The following FOXN3 variants were observed in gnomAD, a reference collection of about 807,000 sequenced individuals.
The protein encoded by FOXN3 is forkhead box N3.
FOXN3 carries 7 observed loss-of-function variants against 38.4 expected under a neutral mutation model. The observed-to-expected ratio is 0.18, with a 90% CI of 0.10 to 0.34. FOXN3 has a LOEUF of 0.34. FOXN3 is among the 10% of genes least tolerant of loss of function. The pLI is 1.00. For synonymous variants in FOXN3, 230 were observed against 242.2 expected (o/e 0.95, Z 0.47); for missense variants, 456 against 613.4 (o/e 0.74, Z 2.71).
At chr14:89,451,581 C>A (rs1053705380) in intron 1 of FOXN3, among the ~76,000 whole-genome samples, 1 of 152,128 alleles carries the variant, frequency 6.6e-6, no homozygotes, top group Non-Finnish European at 1.5e-5. Flanking sequence ...AGCTTGAGAA[C>A]TGGTCAGGAT....
At chr14:89,217,518 G>A (rs555442903) in intron 4 of FOXN3, among the ~76,000 whole-genome samples, 2 of 152,120 alleles carry the variant, frequency 1.3e-5, no homozygotes, top group East Asian at 3.9e-4. Context: ...CAGAGTCCTG[G>A]AGCCAAACAC....
chr14:89,193,124 A>G (rs1377162483), intron 4 of FOXN3, among the ~76,000 whole-genome samples: 3 of 152,042 alleles, frequency 2.0e-5, no homozygotes, highest in Non-Finnish European at 2.9e-5. Context: ...GGTCTCTGCC[A>G]TTATTGAGAA....
intron 4 of FOXN3, among the ~76,000 whole-genome samples, chr14:89,245,206 G>T (rs987015882): frequency 6.6e-6 from 1 of 152,190 alleles, no homozygotes; most frequent in African/African-American, 2.4e-5. Context: ...CGAGTATGAT[G>T]AACAGACTTG....
Position 89,443,300 on chromosome 14 carries a change from G to C in FOXN3, c.-14-30810C>G, listed in dbSNP as rs370389377. Reference sequence around the variant, plus strand: ...TTGGTATAGCCATATTTTATGGCTGGCACAAAAAGTGTTCCTTTTTAGCCA... The same window carrying C: ...TTGGTATAGCCATATTTTATGGCTGCCACAAAAAGTGTTCCTTTTTAGCCA... On this transcript the variant is annotated intron_variant, in intron 1 of 6. Coordinates refer to the FOXN3 transcript ENST00000345097. Among the ~76,000 whole-genome samples the C allele has an allele frequency of 3.1e-4, 47 of 152,246 alleles. 1 individual carries two copies. In the East Asian group the frequency reaches 8.7e-3, roughly 28 times the overall value.
intron 1 of FOXN3, among the ~76,000 whole-genome samples, chr14:89,504,958 A>G (rs1428543607): frequency 6.6e-6 from 1 of 152,088 alleles, no homozygotes; most frequent in African/African-American, 2.4e-5. Flanking sequence ...TTCTTCCCCA[A>G]CAGAACTTCA....
At chr14:89,238,582 G>C (rs576087946) in intron 4 of FOXN3, among the ~76,000 whole-genome samples, 1 of 152,200 alleles carries the variant, frequency 6.6e-6, no homozygotes, top group South Asian at 2.1e-4. Flanking sequence ...TGGCTTAAGG[G>C]GTCACTTGGG....
chr14:89,439,901 G>C (rs12432855), intron 1 of FOXN3, among the ~76,000 whole-genome samples: 53,313 of 151,464 alleles, frequency 0.35, 9,849 homozygotes, highest in East Asian at 0.57. Flanking sequence ...TGATCCACCC[G>C]CCTCGGCCTC....
Position 89,360,660 on chromosome 14 carries a change from G to A in FOXN3, c.544-9852C>T, listed in dbSNP as rs186169966. On this transcript the variant is annotated intron_variant, in intron 2 of 5. Transcript: ENST00000557258. Reference sequence around the variant, plus strand: ...GGCAAGAGCTGATACCCTCACAGCCGCAGGTTCCCCCATGTTTCCACAAAA... The same window carrying A: ...GGCAAGAGCTGATACCCTCACAGCCACAGGTTCCCCCATGTTTCCACAAAA... 3.3e-5 allele frequency among the ~76,000 whole-genome samples: 5 copies of A among 151,698 alleles called. No individual in the cohort carries two copies. The South Asian group carries it at 6.2e-4, about 19-fold the overall frequency.
chr14:89,187,331 C>T (rs1887833882), intron 4 of FOXN3, among the ~76,000 whole-genome samples: 1 of 152,208 alleles, frequency 6.6e-6, no homozygotes, highest in Non-Finnish European at 1.5e-5. Context: ...AGGCTCTGCG[C>T]AGACAGGAAA....
chr14:89,235,196 G>A (rs938178078), intron 4 of FOXN3, among the ~76,000 whole-genome samples: 2 of 152,226 alleles, frequency 1.3e-5, no homozygotes, highest in Non-Finnish European at 2.9e-5. Flanking sequence ...AATGCCTGAT[G>A]TTTTGAAAAC....
chr14:89,515,809 T>G (rs1187182824), intron 1 of FOXN3, among the ~76,000 whole-genome samples: 1 of 152,174 alleles, frequency 6.6e-6, no homozygotes, highest in Non-Finnish European at 1.5e-5. Context: ...AGTTAAAGGC[T>G]TGGTTTTCAG....
chr14:89,295,880 A>G (rs1887023096), intron 3 of FOXN3, among the ~76,000 whole-genome samples: 1 of 150,570 alleles, frequency 6.6e-6, no homozygotes, highest in Non-Finnish European at 1.5e-5. Flanking sequence ...TACAGGAGTG[A>G]GCCACCATGC....
chr14:89,535,509 C>CT (rs1894666842), intron 1 of FOXN3, among the ~76,000 whole-genome samples: 1 of 152,198 alleles, frequency 6.6e-6, no homozygotes, highest in African/African-American at 2.4e-5. Flanking sequence ...ATAATGCAGC[C>CT]TTTTTTTCAC....
At chr14:89,529,167 T>C (rs1596308470) in intron 1 of FOXN3, among the ~76,000 whole-genome samples, 1 of 152,308 alleles carries the variant, frequency 6.6e-6, no homozygotes, top group Non-Finnish European at 1.5e-5. Context: ...AGTCTCATCC[T>C]ATCTTCTGAA....
chr14:89,525,654 TC>T (rs1894419051), intron 1 of FOXN3, among the ~76,000 whole-genome samples: 1 of 139,728 alleles, frequency 7.2e-6, no homozygotes, highest in South Asian at 2.3e-4. Flanking sequence ...AAAAAAAGAC[TC>T]CAGGCCCAGA....
chr14:89,462,491 A>G (rs28526797), intron 1 of FOXN3, among the ~76,000 whole-genome samples: 7,436 of 152,060 alleles, frequency 0.049, 607 homozygotes, highest in African/African-American at 0.17. Flanking sequence ...AAACTGAATC[A>G]TTTATAAAGA....
At chr14:89,176,661 G>A (rs1887527180) in intron 5 of FOXN3, among the ~76,000 whole-genome samples, 1 of 152,238 alleles carries the variant, frequency 6.6e-6, no homozygotes, top group Admixed American at 6.5e-5. Flanking sequence ...CCACTGACAT[G>A]TGGCCAAATT....
chr14:89,405,320 A>G (rs1370190272), intron 2 of FOXN3, among the ~76,000 whole-genome samples: 1 of 152,046 alleles, frequency 6.6e-6, no homozygotes, highest in African/African-American at 2.4e-5. Flanking sequence ...TATTTTTAGT[A>G]GAGACAGGGT....
intron 3 of FOXN3, among the ~76,000 whole-genome samples, chr14:89,295,762 A>ATTTTTTTTTTTTTTTTTTT (rs1032063820): frequency 4.1e-5 from 5 of 123,224 alleles, no homozygotes; most frequent in Non-Finnish European, 6.9e-5. Context: ...TAATTTTTGC[A>ATTTTTTTTTTTTTTTTTTT]TTTTTTTTTT....
Sources: allele counts gnomAD v4.1 joint callset (sites outside exome capture counted in the v4.1 genomes callset), GRCh38; gene constraint gnomAD v4.1.1; transcripts MANE v1.5; gene names NCBI Gene and HGNC (gene_info 2026-07-23, HGNC 2026-07-21).